The following MAP2K4 variants were observed in gnomAD, a reference collection of about 807,000 sequenced individuals.
The protein encoded by MAP2K4 is dual specificity mitogen-activated protein kinase kinase 4.
In MAP2K4, 4 loss-of-function variants were observed where a neutral mutation model predicts 48.5. The observed-to-expected ratio is 0.08, with a 90% CI of 0.04 to 0.19. The LOEUF (loss-of-function observed/expected upper bound fraction) is 0.19. Ranked by LOEUF, MAP2K4 falls within the 10% of genes least tolerant of loss-of-function variation. The pLI, the probability that MAP2K4 is intolerant of heterozygous loss-of-function variation, is 1.00. For synonymous variants in MAP2K4, 166 were observed against 173.1 expected (o/e 0.96, Z 0.32); for missense variants, 258 against 493.3 (o/e 0.52, Z 4.52).
chr17:12,119,535 G>T (rs1972609670), intron 7 of MAP2K4, among the ~76,000 whole-genome samples: 1 of 152,230 alleles, frequency 6.6e-6, no homozygotes, highest in South Asian at 2.1e-4. Context: ...TATACTGTTG[G>T]TGGAAATGTA....
intron 3 of MAP2K4, among the ~76,000 whole-genome samples, chr17:12,088,496 T>C (rs71367380): frequency 7.4e-6 from 1 of 135,120 alleles, no homozygotes; most frequent in African/African-American, 2.6e-5. Flanking sequence ...ATACAATATT[T>C]AATATATTAT....
intron 2 of MAP2K4, chr17:12,069,838 G>T: frequency 2.1e-6 from 1 of 465,452 alleles, no homozygotes; most frequent in Non-Finnish European, 3.8e-6. Flanking sequence ...AACAGTTGCA[G>T]TGATGTGCAG....
At chr17:12,100,191 A>T (rs550383692) in intron 4 of MAP2K4, among the ~76,000 whole-genome samples, 4 of 152,328 alleles carry the variant, frequency 2.6e-5, no homozygotes, top group Admixed American at 2.6e-4. Flanking sequence ...ATCACTTACG[A>T]GTTTCCTTAC....
At chr17:12,061,445 CA>C (rs1970446932) in intron 2 of MAP2K4, among the ~76,000 whole-genome samples, 1 of 152,168 alleles carries the variant, frequency 6.6e-6, no homozygotes, top group Non-Finnish European at 1.5e-5. Context: ...ACAGAGGTGG[CA>C]GTGGTAATAG....
At chr17:12,025,277 A>G (rs1969219988) in intron 1 of MAP2K4, among the ~76,000 whole-genome samples, 1 of 152,184 alleles carries the variant, frequency 6.6e-6, no homozygotes, top group Non-Finnish European at 1.5e-5. Context: ...CATCTGTTAA[A>G]ATAGGGATAA....
At position 12,143,401 on chromosome 17, in the gene MAP2K4, ATCTT is replaced by A. The variant is rs748132714; in HGVS notation, c.*2143_*2146del. 8.6e-6 allele frequency: 2 copies of A among 232,882 alleles called. No homozygotes were observed. Among genetic ancestry groups the A allele is most frequent in the Non-Finnish European group, 1.7e-5 (2 of 117,556 alleles). The allele number at this position is 232,882 out of a possible 1,614,324, so 14.4% of individuals were successfully genotyped here. Reference sequence around the variant, plus strand: ...AAGGGCAAGGAGTTTATTACAATGTATCTTTATTAAAACAAAAGGGTGTATAGTG... The same window carrying A: ...AAGGGCAAGGAGTTTATTACAATGTATATTAAAACAAAAGGGTGTATAGTG... On this transcript the variant is annotated 3_prime_UTR_variant, in exon 11 of 11. Coordinates refer to ENST00000353533, the MANE Select transcript of MAP2K4 (RefSeq NM_003010.4).
chr17:12,125,389 C>G lies in MAP2K4; in HGVS notation c.891+18C>G, dbSNP rs1972822395. 13 of 1,603,030 alleles carry G rather than the reference C, an allele frequency of 8.1e-6. No homozygotes were observed. Among genetic ancestry groups the G allele is most frequent in the Non-Finnish European group, 7.7e-6 (9 of 1,170,188 alleles). On this transcript the variant is annotated intron_variant, in intron 8 of 10. Transcript: ENST00000353533. ...TCACATTGGTATGTTTATGCTGATT[C>G]AACCTTGCCACAGTAGCGTAACAAT...
chr17:12,117,635 G>A (rs1036389602), intron 7 of MAP2K4, among the ~76,000 whole-genome samples: 1 of 151,934 alleles, frequency 6.6e-6, no homozygotes, highest in Non-Finnish European at 1.5e-5. Context: ...TTGCTCAGTA[G>A]CTTAAAGTTA....
chr17:12,056,748 C>A (rs868012991), intron 2 of MAP2K4, among the ~76,000 whole-genome samples: 1 of 152,018 alleles, frequency 6.6e-6, no homozygotes, highest in African/African-American at 2.4e-5. Flanking sequence ...CCTTCCCAGC[C>A]CCTTCCAAAA....
intron 3 of MAP2K4, among the ~76,000 whole-genome samples, chr17:12,087,913 TATC>T (rs1971420517): frequency 1.3e-5 from 2 of 152,156 alleles, no homozygotes; most frequent in Admixed American, 6.5e-5. Context: ...CTTTGTGAGA[TATC>T]ATGGCCATTT....
At chr17:12,029,926 AAAG>A (rs1393056731) in intron 1 of MAP2K4, among the ~76,000 whole-genome samples, 1 of 152,120 alleles carries the variant, frequency 6.6e-6, no homozygotes, top group Non-Finnish European at 1.5e-5. Flanking sequence ...TAAAAAAAAA[AAAG>A]AAAAAAAGAA....
intron 7 of MAP2K4, among the ~76,000 whole-genome samples, chr17:12,115,117 TTAGTC>T (rs1972445227): frequency 6.6e-6 from 1 of 152,208 alleles, no homozygotes; most frequent in South Asian, 2.1e-4. Flanking sequence ...ATAGTTGTCT[TTAGTC>T]TACAGGACTT....
chr17:12,140,775 C>G (rs1348181003), intron 10 of MAP2K4, among the ~76,000 whole-genome samples: 1 of 152,184 alleles, frequency 6.6e-6, no homozygotes, highest in Non-Finnish European at 1.5e-5. Flanking sequence ...GGAATAGTGA[C>G]TGGCATTTGC....
At position 12,027,604 on chromosome 17, in the gene MAP2K4, G is replaced by A. The variant is rs955038081; in HGVS notation, c.115+6603G>A. Among the ~76,000 whole-genome samples, 8 of 152,038 alleles carry A rather than the reference G, an allele frequency of 5.3e-5. 1 individual carries two copies. The stretch of plus-strand genomic sequence containing the variant: ...TGTCAGATGTATATATATCTGACAT[G>A]CCTATGTCTATTTATTGCCTGGCTT... On this transcript the variant is annotated intron_variant, in intron 1 of 10. Coordinates refer to ENST00000353533, the MANE Select transcript of MAP2K4 (RefSeq NM_003010.4).
chr17:12,066,764 A>G (rs1271194399), intron 2 of MAP2K4, among the ~76,000 whole-genome samples: 1 of 151,886 alleles, frequency 6.6e-6, no homozygotes, highest in Non-Finnish European at 1.5e-5. Flanking sequence ...ATCTCCGCTC[A>G]CTGCAAGCTC....
At chr17:12,097,121 G>T (rs1445811684) in intron 4 of MAP2K4, among the ~76,000 whole-genome samples, 3 of 152,098 alleles carry the variant, frequency 2.0e-5, no homozygotes, top group African/African-American at 7.2e-5. Context: ...TGTTGCACAA[G>T]AATCTTACCA....
rs143376239 is a variant in MAP2K4 at position 12,050,875 on chromosome 17, A to G, written c.116-4014A>G. ...CAGTGAATGTGGATACACTTGACCA[A>G]TCCCTTTCTTCAGGATTACAGTTCT... On this transcript the variant is annotated intron_variant, in intron 1 of 10. Coordinates refer to ENST00000353533, the MANE Select transcript of MAP2K4 (RefSeq NM_003010.4). 9.1e-3 allele frequency among the ~76,000 whole-genome samples: 1,390 copies of G among 152,268 alleles called. 12 individuals are homozygous for G. The highest frequency in any genetic ancestry group is 0.014 in the South Asian group (67 of 4,818).
chr17:12,079,438 A>G (rs1407161752), intron 2 of MAP2K4, among the ~76,000 whole-genome samples: 2 of 152,180 alleles, frequency 1.3e-5, no homozygotes, highest in Admixed American at 1.3e-4. Context: ...TGAGAGTCAT[A>G]TTATATCATC....
At chr17:12,118,635 C>T (rs530741983) in intron 7 of MAP2K4, among the ~76,000 whole-genome samples, 14 of 152,284 alleles carry the variant, frequency 9.2e-5, no homozygotes, top group East Asian at 5.8e-4. Flanking sequence ...CACCCAAATG[C>T]GACTTCATTA....
Sources: gnomAD v4.1 joint callset for allele counts (sites outside exome capture counted in the v4.1 genomes callset) on GRCh38, gnomAD v4.1.1 for gene constraint, MANE v1.5 for transcripts, NCBI Gene and HGNC (gene_info 2026-07-23, HGNC 2026-07-21) for gene names.